CDC14A: variants seen among roughly 807,000 people sequenced by gnomAD.
CDC14A encodes dual specificity protein phosphatase CDC14A.
A neutral mutation model predicts 74.4 loss-of-function variants in CDC14A; 53 were observed. That is an observed-to-expected ratio of 0.71 (90% CI 0.57 to 0.89). CDC14A has a LOEUF of 0.89. Among genes scored for constraint, CDC14A ranks in the 40% least tolerant of loss-of-function variants. The pLI, the probability that CDC14A is intolerant of heterozygous loss-of-function variation, is 0.00. For missense variants in CDC14A, 646 were observed against 713.7 expected (o/e 0.91, Z 1.08); for synonymous variants, 247 against 258.4 (o/e 0.96, Z 0.43).
intron 10 of CDC14A, among the ~76,000 whole-genome samples, chr1:100,482,900 G>GTAAA (rs1553194436): frequency 1.3e-5 from 2 of 151,946 alleles, no homozygotes; most frequent in Non-Finnish European, 2.9e-5. Flanking sequence ...GGCTCCATCC[G>GTAAA]TGTTCCCATA....
At chr1:100,389,460 A>AT (rs1470702566) in intron 3 of CDC14A, among the ~76,000 whole-genome samples, 43 of 125,538 alleles carry the variant, frequency 3.4e-4, no homozygotes, top group African/African-American at 9.5e-4. Flanking sequence ...TCAAAAAAAA[A>AT]AAATATATAT....
At position 100,492,749 on chromosome 1, in the gene CDC14A, A is replaced by G. The variant is rs923595601; in HGVS notation, c.1138-2069A>G. Among the ~76,000 whole-genome samples the G allele has an allele frequency of 6.6e-5, 10 of 152,122 alleles. No individual in the cohort carries two copies. In the East Asian group the frequency reaches 1.5e-3, roughly 23 times the overall value. ...TGCCAAACAATTTTAAATTTTTTCAAAATTTCAACACAGCAAAATTCCATT... is the reference window on the plus strand; with the variant it reads ...TGCCAAACAATTTTAAATTTTTTCAGAATTTCAACACAGCAAAATTCCATT... On this transcript the variant is annotated intron_variant, in intron 11 of 15. Coordinates refer to ENST00000336454, the MANE Select transcript of CDC14A (RefSeq NM_003672.4).
chr1:100,382,364 C>T (rs1571012656), intron 3 of CDC14A, among the ~76,000 whole-genome samples: 1 of 149,290 alleles, frequency 6.7e-6, no homozygotes. Flanking sequence ...TATAGGTGCA[C>T]ACTTCTGCAC....
In CDC14A at chr1:100,390,765, T is replaced by C; in HGVS notation, c.250T>C (p.Tyr84His). 1 of 1,607,546 alleles carries C rather than the reference T, an allele frequency of 6.2e-7. No individual in the cohort carries two copies. Residue 84 changes from tyrosine to histidine, a missense_variant, in exon 4 of 16, where the codon TAC becomes CAC. Physicochemically the swap from Tyr to His is moderately conservative, Grantham distance 83. Transcript: ENST00000336454. ...YSLSRKKIVH[Y>H]TCFDQRKRAN... Reference sequence around the variant, plus strand: ...TTTGTCAAGAAAGAAAATAGTGCACTACACCTGTTTTGACCAACGGAAAAG... The same window carrying C: ...TTTGTCAAGAAAGAAAATAGTGCACCACACCTGTTTTGACCAACGGAAAAG...
chr1:100,373,739 A>G (rs72969094), intron 2 of CDC14A, among the ~76,000 whole-genome samples: 3 of 152,312 alleles, frequency 2.0e-5, no homozygotes, highest in East Asian at 3.9e-4. Context: ...ACAACACCAC[A>G]CTGGGAAGTT....
rs370778897 is a variant in CDC14A at position 100,377,539 on chromosome 1, A to T, written c.141-7A>T. On this transcript the variant is annotated splice_polypyrimidine_tract_variant and splice_region_variant and intron_variant, in intron 2 of 15. Transcript: ENST00000336454. ...ATACTACGTTTTTTGTTTTTCTTGT[A>T]TCTTAGTTTCTATGCAGATTTTGGA... The T allele has an allele frequency of 6.2e-6, 10 of 1,606,544 alleles. No individual in the cohort carries two copies. The highest frequency in any genetic ancestry group is 8.5e-6 in the Non-Finnish European group (10 of 1,174,766).
chr1:100,420,372 A>T (rs1313048798), intron 4 of CDC14A, among the ~76,000 whole-genome samples: 1 of 151,730 alleles, frequency 6.6e-6, no homozygotes, highest in African/African-American at 2.4e-5. Flanking sequence ...TTCACATATT[A>T]TTTTGGAGCA....
intron 2 of CDC14A, among the ~76,000 whole-genome samples, chr1:100,362,960 A>G (rs1570956434): frequency 6.6e-6 from 1 of 152,236 alleles, no homozygotes; most frequent in African/African-American, 2.4e-5. Context: ...AGAGGAGTCC[A>G]AAGGGAAAAG....
chr1:100,380,549 CTTTG>C (rs1361907671), intron 3 of CDC14A, among the ~76,000 whole-genome samples: 6 of 152,194 alleles, frequency 3.9e-5, no homozygotes, highest in Non-Finnish European at 8.8e-5. Flanking sequence ...TGGAAAATGC[CTTTG>C]TTACTCACTT....
chr1:100,472,204 C>T lies in CDC14A; in HGVS notation c.977+4110C>T, dbSNP rs895996735. ...AATGTACAAATGGCCAATAAACATA[C>T]GAAAAGCGATTCACCCTCATTAGCT... On this transcript the variant is annotated intron_variant, in intron 10 of 15. Transcript: ENST00000336454. Among the ~76,000 whole-genome samples, 12 of 152,088 alleles carry T rather than the reference C, an allele frequency of 7.9e-5. No homozygotes were observed. In the East Asian group the frequency reaches 1.3e-3, roughly 17 times the overall value.
At chr1:100,468,155 T>A in intron 10 of CDC14A, 61 bp downstream of exon 10, 1 of 1,591,188 alleles carries the variant, frequency 6.3e-7, no homozygotes, top group Non-Finnish European at 8.6e-7. Context: ...TACCTCTTGT[T>A]CCCCTGGTTG....
chr1:100,450,639 C>G (rs546234757), intron 7 of CDC14A, among the ~76,000 whole-genome samples: 1 of 152,176 alleles, frequency 6.6e-6, no homozygotes, highest in Non-Finnish European at 1.5e-5. Flanking sequence ...TCCTGGCCAC[C>G]GCAACTGCAA....
intron 13 of CDC14A, among the ~76,000 whole-genome samples, chr1:100,496,426 C>G (rs897898434): frequency 3.3e-5 from 5 of 152,152 alleles, no homozygotes; most frequent in Admixed American, 1.3e-4. Flanking sequence ...TCCCAATCAG[C>G]ATGCATTTGT....
intron 11 of CDC14A, among the ~76,000 whole-genome samples, chr1:100,494,111 A>G (rs1394106362): frequency 1.3e-5 from 2 of 152,248 alleles, no homozygotes; most frequent in Non-Finnish European, 2.9e-5. Context: ...AAAGGTCATT[A>G]AGAGCTTATG....
At chr1:100,369,030 A>T (rs1295736658) in intron 2 of CDC14A, among the ~76,000 whole-genome samples, 1 of 151,536 alleles carries the variant, frequency 6.6e-6, no homozygotes, top group Admixed American at 6.6e-5. Flanking sequence ...CAGTGGCTGG[A>T]CTAATTTAGA....
At chr1:100,479,766 C>T (rs1669268109) in intron 10 of CDC14A, among the ~76,000 whole-genome samples, 1 of 152,154 alleles carries the variant, frequency 6.6e-6, no homozygotes, top group Admixed American at 6.5e-5. Context: ...TGATTTTCAA[C>T]AGTTACTGCT....
At chr1:100,511,160 C>T (rs1443382744) in intron 15 of CDC14A, among the ~76,000 whole-genome samples, 3 of 152,220 alleles carry the variant, frequency 2.0e-5, no homozygotes, top group Non-Finnish European at 4.4e-5. Flanking sequence ...CAGCCTCTTA[C>T]CCTCCGTTTG....
chr1:100,432,400 A>C (rs897523762), intron 5 of CDC14A, among the ~76,000 whole-genome samples: 2 of 152,244 alleles, frequency 1.3e-5, no homozygotes, highest in Non-Finnish European at 2.9e-5. Context: ...TGAACTGTCC[A>C]GTATGTTAGC....
intron 4 of CDC14A, among the ~76,000 whole-genome samples, chr1:100,407,163 A>G: frequency 6.6e-6 from 1 of 152,010 alleles, no homozygotes; most frequent in South Asian, 2.1e-4. Context: ...TCTGCTTAGG[A>G]TCATCTTGGC....
Sources: allele counts gnomAD v4.1 joint callset (sites outside exome capture counted in the v4.1 genomes callset), GRCh38; gene constraint gnomAD v4.1.1; transcripts MANE v1.5; gene names NCBI Gene and HGNC (gene_info 2026-07-23, HGNC 2026-07-21).